The following AMBRA1 variants were observed in gnomAD, a reference collection of about 807,000 sequenced individuals.
The protein encoded by AMBRA1 is autophagy and beclin 1 regulator 1, also known as activating molecule in BECN1-regulated autophagy protein 1.
AMBRA1 carries 47 observed loss-of-function variants against 125.4 expected under a neutral mutation model. The ratio of observed to expected loss-of-function variants is 0.37; its 90% CI spans 0.30 to 0.48. AMBRA1 has a LOEUF of 0.48. AMBRA1 is among the 20% of genes least tolerant of loss of function. The probability of loss-of-function intolerance (pLI) is 0.99; values close to 1 mark genes in which losing one functional copy is unlikely to be tolerated. For missense variants in AMBRA1, 1,331 were observed against 1,693.4 expected (o/e 0.79, Z 3.76); for synonymous variants, 626 against 655.5 (o/e 0.95, Z 0.69).
At chr11:46,467,109 G>T (rs1258558112) in intron 11 of AMBRA1, among the ~76,000 whole-genome samples, 5 of 151,826 alleles carry the variant, frequency 3.3e-5, no homozygotes, top group Non-Finnish European at 7.4e-5. Flanking sequence ...TAGAGAAGGG[G>T]TTTCACCGTG....
intron 7 of AMBRA1, among the ~76,000 whole-genome samples, chr11:46,531,735 T>C (rs1398791990): frequency 6.7e-6 from 1 of 150,060 alleles, no homozygotes; most frequent in East Asian, 2.0e-4. Flanking sequence ...CAGAATGATA[T>C]CCCTCCTTCA....
intron 9 of AMBRA1, 23 bp from the exon 10 acceptor site, chr11:46,494,227 A>C: frequency 6.4e-7 from 1 of 1,563,782 alleles, no homozygotes; most frequent in Non-Finnish European, 8.7e-7. Context: ...AAAACACTAC[A>C]CATAAGAGAG....
chr11:46,571,395 C>A (rs955603986), intron 1 of AMBRA1, among the ~76,000 whole-genome samples: 5 of 152,028 alleles, frequency 3.3e-5, no homozygotes, highest in African/African-American at 9.7e-5. Flanking sequence ...TGAAAAGTAG[C>A]CATATTACAG....
rs772225704 is a variant in AMBRA1, at chr11:46,519,148, C to T, written c.2073-6335G>A. Among the ~76,000 whole-genome samples, 63 of 152,192 alleles carry T rather than the reference C, an allele frequency of 4.1e-4. 1 individual carries two copies. The highest frequency in any genetic ancestry group is 5.7e-4 in the Non-Finnish European group (39 of 68,030). On this transcript the variant is annotated intron_variant, in intron 7 of 17. Coordinates refer to ENST00000683756, the MANE Select transcript of AMBRA1 (RefSeq NM_001387011.1). Reference sequence around the variant, plus strand: ...AAGCAATTCTCTTGCCTCAGCCTCCCGAGTAGCTGGGGCTACAGGCATGCA... The same window carrying T: ...AAGCAATTCTCTTGCCTCAGCCTCCTGAGTAGCTGGGGCTACAGGCATGCA...
At chr11:46,538,082 C>A (rs1205431853) in intron 7 of AMBRA1, among the ~76,000 whole-genome samples, 1 of 152,180 alleles carries the variant, frequency 6.6e-6, no homozygotes, top group African/African-American at 2.4e-5. Context: ...CTTTAGAAGG[C>A]AGAGGAAGAG....
rs979615077 is a variant in AMBRA1, at chr11:46,396,932, C to T, written c.*518G>A. On this transcript the variant is annotated 3_prime_UTR_variant, in exon 18 of 18. Coordinates refer to ENST00000683756, the MANE Select transcript of AMBRA1 (RefSeq NM_001387011.1). ...CAAGAATCTGGGAGCCTGGCCCGAT[C>T]CCTGTTGGTTTCAGTGGGGTAAGAC... 47 of 152,930 alleles carry T rather than the reference C, an allele frequency of 3.1e-4. No homozygotes were observed. Among genetic ancestry groups the T allele is most frequent in the African/African-American group, 1.1e-3 (46 of 41,458 alleles). The allele number at this position is 152,930 out of a possible 1,614,324, so 9.5% of individuals were successfully genotyped here.
At chr11:46,585,401 C>A (rs2044334270) in intron 1 of AMBRA1, among the ~76,000 whole-genome samples, 1 of 150,472 alleles carries the variant, frequency 6.6e-6, no homozygotes. Context: ...GGCATGGTGC[C>A]TCACACTTGT....
intron 1 of AMBRA1, among the ~76,000 whole-genome samples, chr11:46,584,019 C>A (rs1423199957): frequency 6.8e-6 from 1 of 146,854 alleles, no homozygotes; most frequent in Non-Finnish European, 1.5e-5. Context: ...CATCCTATTA[C>A]TGGGTATATA....
At chr11:46,420,531 T>C (rs1946800329) in intron 14 of AMBRA1, among the ~76,000 whole-genome samples, 1 of 152,260 alleles carries the variant, frequency 6.6e-6, no homozygotes, top group African/African-American at 2.4e-5. Flanking sequence ...GGTTTTCACC[T>C]TCTCAGAAGA....
intron 14 of AMBRA1, among the ~76,000 whole-genome samples, chr11:46,418,276 T>C (rs1199404250): frequency 3.5e-5 from 5 of 143,782 alleles, no homozygotes; most frequent in Admixed American, 2.9e-4. Context: ...ATATAATATG[T>C]TTTATTATTT....
intron 1 of AMBRA1, among the ~76,000 whole-genome samples, chr11:46,585,723 T>TATATATATATA (rs1442252869): frequency 2.2e-4 from 22 of 99,740 alleles, no homozygotes; most frequent in South Asian, 6.1e-4. Flanking sequence ...TATATATATA[T>TATATATATATA]TCCTAGCTTC....
chr11:46,526,764 G>A (rs750942875), intron 7 of AMBRA1, among the ~76,000 whole-genome samples: 9 of 151,882 alleles, frequency 5.9e-5, no homozygotes, highest in East Asian at 1.9e-4. Flanking sequence ...TAACTGAATC[G>A]GTTTTAAGTC....
chr11:46,438,197 A>G (rs918816420), intron 12 of AMBRA1, among the ~76,000 whole-genome samples: 1 of 152,214 alleles, frequency 6.6e-6, no homozygotes, highest in Non-Finnish European at 1.5e-5. Context: ...ATTAGGAAAG[A>G]AAGGATTTTC....
At chr11:46,404,421 G>A (rs1945905617) in intron 17 of AMBRA1, among the ~76,000 whole-genome samples, 1 of 152,214 alleles carries the variant, frequency 6.6e-6, no homozygotes. Context: ...GAGTCTGACA[G>A]CACAATAGTG....
At position 46,434,797 on chromosome 11, in the gene AMBRA1, T is replaced by C. The variant is rs184199284; in HGVS notation, c.2821+52A>G. The stretch of plus-strand genomic sequence containing the variant: ...GCTGTGCCTCACCTAGCAATGACCA[T>C]GCCAAGGCACCAGCGTCCCTCTGTC... On this transcript the variant is annotated intron_variant, in intron 13 of 17. Coordinates refer to ENST00000683756, the MANE Select transcript of AMBRA1 (RefSeq NM_001387011.1). 7.4e-3 allele frequency: 11,338 copies of C among 1,523,548 alleles called. 48 individuals are homozygous for C. Among genetic ancestry groups the C allele is most frequent in the Non-Finnish European group, 9.1e-3 (10,293 of 1,134,434 alleles). 94.4% of individuals were successfully genotyped at this position (1,523,548 alleles called of 1,614,324 possible).
At chr11:46,556,376 A>T (rs758506448) in intron 1 of AMBRA1, among the ~76,000 whole-genome samples, 2 of 152,210 alleles carry the variant, frequency 1.3e-5, no homozygotes, top group African/African-American at 2.4e-5. Flanking sequence ...GAAAAACATC[A>T]TAAATTTAGA....
At chr11:46,443,733 G>C (rs1220401897) in intron 11 of AMBRA1, 135 bp from the exon 12 acceptor site, 2 of 696,398 alleles carry the variant, frequency 2.9e-6, no homozygotes, top group African/African-American at 3.6e-5. Flanking sequence ...AAGCTAATGA[G>C]TCCCATCTGG....
chr11:46,480,056 T>C (rs1185811732), intron 11 of AMBRA1, among the ~76,000 whole-genome samples: 3 of 152,332 alleles, frequency 2.0e-5, no homozygotes, highest in East Asian at 1.9e-4. Context: ...TGCTAGCTGT[T>C]AGCAGAGGCC....
At chr11:46,585,665 CAAAAAAAAAA>C (rs1157368065) in intron 1 of AMBRA1, among the ~76,000 whole-genome samples, 2 of 7,594 alleles carry the variant, frequency 2.6e-4, no homozygotes, top group East Asian at 1.5e-3. Flanking sequence ...GACTCCATCT[CAAAAAAAAAA>C]AAAAAAAAAA....
Sources: allele counts gnomAD v4.1 joint callset (sites outside exome capture counted in the v4.1 genomes callset), GRCh38; gene constraint gnomAD v4.1.1; transcripts MANE v1.5; gene names NCBI Gene and HGNC (gene_info 2026-07-23, HGNC 2026-07-21).